Variants in GULP1 observed in about 807,000 individuals in gnomAD.
The protein encoded by GULP1 is PTB domain-containing engulfment adapter protein 1.
GULP1 carries 19 observed loss-of-function variants against 40.9 expected under a neutral mutation model. The observed-to-expected ratio is 0.46, with a 90% CI of 0.32 to 0.68. GULP1 has a LOEUF of 0.68. GULP1 is among the 30% of genes least tolerant of loss of function. The pLI is 0.03. For missense variants in GULP1, 312 were observed against 362.2 expected (o/e 0.86, Z 1.12); for synonymous variants, 119 against 117.6 (o/e 1.01, Z -0.08).
chr2:188,488,058 C>G (rs530162360), intron 4 of GULP1, among the ~76,000 whole-genome samples: 30 of 152,036 alleles, frequency 2.0e-4, no homozygotes, highest in Non-Finnish European at 4.3e-4. Flanking sequence ...CTTGAGGATT[C>G]TAACCCTTAG....
chr2:188,490,647 A>C (rs1260423598), intron 4 of GULP1, among the ~76,000 whole-genome samples: 3 of 152,080 alleles, frequency 2.0e-5, no homozygotes, highest in African/African-American at 7.2e-5. Flanking sequence ...TTTTATTAAC[A>C]TAATTCCTGG....
intron 2 of GULP1, among the ~76,000 whole-genome samples, chr2:188,428,014 C>T (rs2056423369): frequency 2.0e-5 from 3 of 152,226 alleles, no homozygotes; most frequent in Admixed American, 2.0e-4. Context: ...GGAGCCTACC[C>T]ATTGCATCAG....
At chr2:188,562,654 C>CA (rs149165414) in intron 7 of GULP1, among the ~76,000 whole-genome samples, 7,003 of 151,270 alleles carry the variant, frequency 0.046, 352 homozygotes, top group African/African-American at 0.12. Context: ...ATAAAAGTAC[C>CA]AAAAAAAACC....
rs144618546 is a variant in GULP1 at position 188,422,405 on chromosome 2, C to CAT, written c.-45+38531_-45+38532dup. On this transcript the variant is annotated intron_variant, in intron 2 of 11. Coordinates refer to ENST00000409830, the MANE Select transcript of GULP1 (RefSeq NM_016315.4). ...GTATATGTATACACACACACATATACATATATATATATATATTCATAATTA... is the reference window on the plus strand; with the variant it reads ...GTATATGTATACACACACACATATACATATATATATATATATATTCATAATTA... 2.2e-3 allele frequency among the ~76,000 whole-genome samples: 320 copies of CAT among 148,236 alleles called. 1 individual carries two copies. The highest frequency in any genetic ancestry group is 7.1e-3 in the South Asian group (33 of 4,680).
At chr2:188,490,791 C>A (rs1019995688) in intron 4 of GULP1, among the ~76,000 whole-genome samples, 1 of 151,834 alleles carries the variant, frequency 6.6e-6, no homozygotes, top group Non-Finnish European at 1.5e-5. Context: ...ATGTGTTTGG[C>A]CCTAGATGAA....
chr2:188,584,507 C>A (rs1336134968), intron 10 of GULP1, 104 bp downstream of exon 10: 2 of 481,974 alleles, frequency 4.1e-6, no homozygotes, highest in Non-Finnish European at 7.2e-6. Flanking sequence ...ACCTTACTTA[C>A]AATTTTAATT....
intron 9 of GULP1, among the ~76,000 whole-genome samples, chr2:188,577,745 T>C (rs1354861716): frequency 6.6e-6 from 1 of 152,000 alleles, no homozygotes; most frequent in Non-Finnish European, 1.5e-5. Context: ...GACCTAGAAA[T>C]CTGAAAAAAC....
chr2:188,415,681 G>A (rs922224716), intron 2 of GULP1, among the ~76,000 whole-genome samples: 2 of 152,102 alleles, frequency 1.3e-5, no homozygotes, highest in Non-Finnish European at 2.9e-5. Context: ...TGAAGCTGAT[G>A]CCAATTTTCT....
chr2:188,305,753 T>C (rs1316985873), intron 1 of GULP1, among the ~76,000 whole-genome samples: 4 of 151,888 alleles, frequency 2.6e-5, no homozygotes, highest in Non-Finnish European at 5.9e-5. Flanking sequence ...TTAGGTGAGA[T>C]AGTCTAATTT....
intron 1 of GULP1, among the ~76,000 whole-genome samples, chr2:188,324,030 CCTT>C (rs72116287): frequency 0.022 from 3,404 of 151,886 alleles, 138 homozygotes; most frequent in African/African-American, 0.078. Flanking sequence ...TGCTTTTATG[CCTT>C]CTTATATTTT....
chr2:188,425,188 A>G (rs1383307033), intron 2 of GULP1, among the ~76,000 whole-genome samples: 1 of 152,126 alleles, frequency 6.6e-6, no homozygotes, highest in Non-Finnish European at 1.5e-5. Context: ...TATACAGGAA[A>G]GTCAAGATAA....
intron 7 of GULP1, among the ~76,000 whole-genome samples, chr2:188,545,787 G>T (rs1019047427): frequency 2.2e-4 from 33 of 151,958 alleles, no homozygotes; most frequent in Admixed American, 2.0e-3. Context: ...ATGTTGTTAA[G>T]GTGGATTACA....
At chr2:188,340,897 C>T (rs1452510731) in intron 1 of GULP1, among the ~76,000 whole-genome samples, 1 of 152,082 alleles carries the variant, frequency 6.6e-6, no homozygotes, top group Non-Finnish European at 1.5e-5. Flanking sequence ...TCTGAAGTCA[C>T]GCCATCAAGC....
chr2:188,370,216 G>C (rs2047419340), intron 1 of GULP1, among the ~76,000 whole-genome samples: 1 of 152,096 alleles, frequency 6.6e-6, no homozygotes, highest in Non-Finnish European at 1.5e-5. Flanking sequence ...AGGAGAATGG[G>C]GGATGACATT....
At chr2:188,513,392 A>G (rs1156881120) in intron 4 of GULP1, among the ~76,000 whole-genome samples, 2 of 152,128 alleles carry the variant, frequency 1.3e-5, no homozygotes, top group African/African-American at 4.8e-5. Context: ...CTCAAAGTTC[A>G]ATATATGTAG....
intron 4 of GULP1, among the ~76,000 whole-genome samples, chr2:188,520,350 A>G (rs1257745551): frequency 6.6e-6 from 1 of 152,070 alleles, no homozygotes; most frequent in Non-Finnish European, 1.5e-5. Context: ...ACCGTGGCCA[A>G]CATGGTGAAA....
At chr2:188,359,906 C>T (rs1490218237) in intron 1 of GULP1, among the ~76,000 whole-genome samples, 1 of 152,102 alleles carries the variant, frequency 6.6e-6, no homozygotes, top group Non-Finnish European at 1.5e-5. Context: ...AGCTATTACA[C>T]AGAGAGGAAA....
At chr2:188,379,036 A>G (rs991591947) in intron 1 of GULP1, among the ~76,000 whole-genome samples, 2 of 152,176 alleles carry the variant, frequency 1.3e-5, no homozygotes, top group Admixed American at 1.3e-4. Flanking sequence ...AAATATAATA[A>G]CCAAACGTTT....
At chr2:188,405,679 T>G (rs1017346515) in intron 2 of GULP1, among the ~76,000 whole-genome samples, 1 of 152,198 alleles carries the variant, frequency 6.6e-6, no homozygotes, top group Non-Finnish European at 1.5e-5. Flanking sequence ...ATTCAGGGAC[T>G]CAGGCACCAG....
Sources: gnomAD v4.1 joint callset for allele counts (sites outside exome capture counted in the v4.1 genomes callset) on GRCh38, gnomAD v4.1.1 for gene constraint, MANE v1.5 for transcripts, NCBI Gene and HGNC (gene_info 2026-07-23, HGNC 2026-07-21) for gene names.